FRMPD4: variants seen among roughly 807,000 people sequenced by gnomAD.
The protein encoded by FRMPD4 is FERM and PDZ domain-containing protein 4.
In FRMPD4, 22 loss-of-function variants were observed where a neutral mutation model predicts 94.1. The observed-to-expected ratio is 0.23, with a 90% CI of 0.17 to 0.33. FRMPD4 has a LOEUF of 0.33. FRMPD4 is among the 10% of genes least tolerant of loss of function. The pLI is 1.00. For missense variants in FRMPD4, 1,111 were observed against 1,339.9 expected, an observed-to-expected ratio of 0.83 and a Z score of 2.67; for synonymous variants, 631 against 548.6, an observed-to-expected ratio of 1.15 and a Z score of -2.10.
At chrX:12,704,834 G>A (rs2041847095) in intron 11 of FRMPD4, among the ~76,000 whole-genome samples, 1 of 112,137 alleles carries the variant, frequency 8.9e-6, no homozygotes, top group South Asian at 3.8e-4. Context: ...TTACTGCTCA[G>A]ACCAGCTTCA....
chrX:12,167,082 T>C (rs1322478235), intron 1 of FRMPD4, among the ~76,000 whole-genome samples: 1 of 111,793 alleles, frequency 8.9e-6, no homozygotes, highest in Non-Finnish European at 1.9e-5. Context: ...AGTTATTTCT[T>C]GCCTTTTGCT....
At chrX:12,279,760 G>A (rs1403855718) in intron 1 of FRMPD4, among the ~76,000 whole-genome samples, 3 of 110,607 alleles carry the variant, frequency 2.7e-5, no homozygotes, top group Non-Finnish European at 3.8e-5. Context: ...CAATGTCCTG[G>A]CGAGCCACAC....
At chrX:11,892,173 A>G (rs779323401) in intron 3 of FRMPD4, among the ~76,000 whole-genome samples, 157 of 112,055 alleles carry the variant, frequency 1.4e-3, no homozygotes, top group Non-Finnish European at 2.3e-3. Flanking sequence ...ATGACGCTGC[A>G]TTTTTATTTT....
At chrX:12,403,666 T>A in intron 1 of FRMPD4, among the ~76,000 whole-genome samples, 1 of 111,331 alleles carries the variant, frequency 9.0e-6, no homozygotes, top group Non-Finnish European at 1.9e-5. Flanking sequence ...TGGTTCTCAG[T>A]AAATACCTGT....
intron 3 of FRMPD4, among the ~76,000 whole-genome samples, chrX:11,974,994 G>C (rs1403723785): frequency 2.7e-5 from 3 of 111,820 alleles, no homozygotes; most frequent in African/African-American, 9.8e-5. Flanking sequence ...GAGGATTTTT[G>C]GGGGGCAGGA....
At chrX:11,848,028 A>G (rs919249676) in intron 1 of FRMPD4, among the ~76,000 whole-genome samples, 4 of 109,081 alleles carry the variant, frequency 3.7e-5, no homozygotes, top group East Asian at 5.7e-4. Flanking sequence ...AACTTAAAGT[A>G]TAATAATAAT....
chrX:12,327,456 G>A (rs779400566), intron 1 of FRMPD4, among the ~76,000 whole-genome samples: 1 of 112,118 alleles, frequency 8.9e-6, no homozygotes, highest in Admixed American at 9.5e-5. Flanking sequence ...GAAGAGAGCT[G>A]GCATTTGCTG....
At chrX:12,689,137 G>A (rs1386228619) in intron 7 of FRMPD4, among the ~76,000 whole-genome samples, 2 of 111,477 alleles carry the variant, frequency 1.8e-5, no homozygotes, top group Non-Finnish European at 3.8e-5. Context: ...AGAATTTTTA[G>A]CATCTGAGTC....
intron 4 of FRMPD4, among the ~76,000 whole-genome samples, chrX:12,657,458 G>A (rs901671374): frequency 8.9e-6 from 1 of 112,130 alleles, no homozygotes; most frequent in Admixed American, 9.5e-5. Context: ...GAGCAAGAGT[G>A]TGAGAGAGAG....
chrX:12,144,440 A>ATT (rs5901462), intron 1 of FRMPD4, among the ~76,000 whole-genome samples: 1 of 101,366 alleles, frequency 9.9e-6, no homozygotes. Context: ...TAACATTCCC[A>ATT]TTTTTTTTTT....
At chrX:12,353,839 G>A (rs2055851110) in intron 1 of FRMPD4, among the ~76,000 whole-genome samples, 1 of 111,868 alleles carries the variant, frequency 8.9e-6, no homozygotes, top group Non-Finnish European at 1.9e-5. Context: ...TTTGATTAAT[G>A]AGAATAGTGG....
chrX:12,605,570 C>T (rs1000635298), intron 2 of FRMPD4, among the ~76,000 whole-genome samples: 4 of 111,372 alleles, frequency 3.6e-5, no homozygotes, highest in South Asian at 3.9e-4. Context: ...CAAAGTCTTT[C>T]CAAGAGCCTG....
chrX:12,342,783 T>G (rs1017326681), intron 1 of FRMPD4, among the ~76,000 whole-genome samples: 1 of 112,215 alleles, frequency 8.9e-6, no homozygotes, highest in East Asian at 2.8e-4. Context: ...TAGCGGATCT[T>G]GATGTCTCAC....
chrX:12,689,403 AT>A (rs1569411823), intron 7 of FRMPD4, among the ~76,000 whole-genome samples: 1 of 112,181 alleles, frequency 8.9e-6, no homozygotes, highest in African/African-American at 3.2e-5. Context: ...AACGCTTTGT[AT>A]GTGTGAACTC....
chrX:12,525,258 A>G (rs975808190), intron 2 of FRMPD4, among the ~76,000 whole-genome samples: 6 of 111,537 alleles, frequency 5.4e-5, no homozygotes, highest in Non-Finnish European at 1.1e-4. Flanking sequence ...CTATAAACAT[A>G]CAAACACTCT....
intron 2 of FRMPD4, among the ~76,000 whole-genome samples, chrX:12,574,050 G>A (rs1308768048): frequency 8.9e-6 from 1 of 112,240 alleles, no homozygotes; most frequent in South Asian, 3.7e-4. Context: ...ACCCAGGCTG[G>A]AGTGCAGTGG....
At chrX:12,135,630 G>A (rs1247499260), upstream of FRMPD4, among the ~76,000 whole-genome samples, 2 of 109,009 alleles carry the variant, frequency 1.8e-5, no homozygotes, top group East Asian at 2.8e-4. Flanking sequence ...TAACCGTAGC[G>A]CACAAATTGG....
chrX:11,833,178 CT>C (rs2053484205), intron 1 of FRMPD4, among the ~76,000 whole-genome samples: 1 of 111,944 alleles, frequency 8.9e-6, no homozygotes, highest in Non-Finnish European at 1.9e-5. Flanking sequence ...TAGCTCATTA[CT>C]TTTTAGTGCT....
At chrX:11,972,110 G>A (rs2054343135) in intron 3 of FRMPD4, among the ~76,000 whole-genome samples, 1 of 112,202 alleles carries the variant, frequency 8.9e-6, no homozygotes, top group African/African-American at 3.2e-5. Context: ...TCTTGACACA[G>A]TTCTGCTCAA....
Sources: gnomAD v4.1 joint callset for allele counts (sites outside exome capture counted in the v4.1 genomes callset) on GRCh38, gnomAD v4.1.1 for gene constraint, MANE v1.5 for transcripts, NCBI Gene and HGNC (gene_info 2026-07-23, HGNC 2026-07-21) for gene names.